The following KCNH7 variants were observed in gnomAD, a reference collection of about 807,000 sequenced individuals.
KCNH7 encodes the protein voltage-gated inwardly rectifying potassium channel KCNH7.
Under a neutral mutation model 120.8 loss-of-function variants are expected in KCNH7, and 49 were observed. The ratio of observed to expected loss-of-function variants is 0.41; its 90% CI spans 0.32 to 0.51. The LOEUF is 0.51. Ranked by LOEUF, KCNH7 falls within the 20% of genes least tolerant of loss-of-function variation. The pLI is 0.38. For missense variants in KCNH7, 1,097 were observed against 1,446.6 expected (o/e 0.76, Z 3.92); for synonymous variants, 547 against 516.1 (o/e 1.06, Z -0.81).
chr2:162,671,247 C>T (rs1685342498), intron 2 of KCNH7, among the ~76,000 whole-genome samples: 1 of 152,042 alleles, frequency 6.6e-6, no homozygotes, highest in Non-Finnish European at 1.5e-5. Context: ...CAAAAAGACA[C>T]CTAGACTAAT....
chr2:162,394,947 C>A (rs1010761968), intron 11 of KCNH7, among the ~76,000 whole-genome samples: 2 of 151,718 alleles, frequency 1.3e-5, no homozygotes, highest in Admixed American at 6.6e-5. Flanking sequence ...TCCTCCATAG[C>A]CTATTAAATA....
intron 6 of KCNH7, among the ~76,000 whole-genome samples, chr2:162,472,350 G>A (rs1311624919): frequency 2.0e-5 from 3 of 152,186 alleles, no homozygotes; most frequent in Middle Eastern, 3.4e-3. Flanking sequence ...CTGACAAAGG[G>A]CTAATACCCA....
chr2:162,411,391 A>T (rs889469075), intron 9 of KCNH7, among the ~76,000 whole-genome samples: 1 of 152,118 alleles, frequency 6.6e-6, no homozygotes, highest in African/African-American at 2.4e-5. Flanking sequence ...CTCACTTATA[A>T]GTGGCAGCTA....
At chr2:162,625,443 C>T (rs2105204889) in intron 2 of KCNH7, among the ~76,000 whole-genome samples, 1 of 152,226 alleles carries the variant, frequency 6.6e-6, no homozygotes, top group East Asian at 1.9e-4. Context: ...TATTTTCTTA[C>T]TTGAGGTAAG....
intron 2 of KCNH7, among the ~76,000 whole-genome samples, chr2:162,707,738 G>A (rs2105352865): frequency 6.6e-6 from 1 of 152,116 alleles, no homozygotes. Context: ...CAGTAGAAGT[G>A]AAAAAGAGAC....
At chr2:162,771,437 C>T (rs955920636) in intron 2 of KCNH7, among the ~76,000 whole-genome samples, 1 of 152,076 alleles carries the variant, frequency 6.6e-6, no homozygotes, top group Non-Finnish European at 1.5e-5. Flanking sequence ...ATCACTTTAG[C>T]CATGAAACTT....
chr2:162,565,972 C>T (rs1384091643), intron 2 of KCNH7, among the ~76,000 whole-genome samples: 1 of 151,944 alleles, frequency 6.6e-6, no homozygotes, highest in Non-Finnish European at 1.5e-5. Context: ...CTATAAGGTA[C>T]TTTGTATGCT....
chr2:162,435,369 T>A lies in KCNH7; in HGVS notation c.1783A>T (p.Ile595Phe). The change falls in exon 8 of 16, where the codon ATT (isoleucine) becomes TTT (phenylalanine). Residue 595 changes from isoleucine (I) to phenylalanine (F), a missense_variant. By Grantham distance (21) the Ile-to-Phe change is conservative (BLOSUM62 0). This residue lies in a region of KCNH7 where 36 missense variants were observed against 46.8 expected (regional missense o/e 0.77). Transcript: ENST00000332142. ...TCACTGTCATTGTAACGTTTCCCAA[T>A]TTGCTGTCCTAAGGAATCCAACCAT... ...IGWLDSLGQQ[I>F]GKRYNDSDSS... 1.9e-6 allele frequency: 3 copies of A among 1,613,886 alleles called. No individual in the cohort carries two copies. Among genetic ancestry groups the A allele is most frequent in the Non-Finnish European group, 2.5e-6 (3 of 1,179,848 alleles).
intron 8 of KCNH7, among the ~76,000 whole-genome samples, chr2:162,425,546 A>T (rs1160014294): frequency 6.6e-6 from 1 of 152,188 alleles, no homozygotes; most frequent in African/African-American, 2.4e-5. Flanking sequence ...GATTCATGTG[A>T]AAAATACGTT....
intron 12 of KCNH7, among the ~76,000 whole-genome samples, chr2:162,386,435 G>T (rs568623981): frequency 6.6e-6 from 1 of 151,768 alleles, no homozygotes; most frequent in Non-Finnish European, 1.5e-5. Flanking sequence ...TAGTTATAAA[G>T]ATTAGCCTAG....
At chr2:162,513,235 TC>T in intron 4 of KCNH7, among the ~76,000 whole-genome samples, 1 of 123,174 alleles carries the variant, frequency 8.1e-6, no homozygotes, top group Non-Finnish European at 1.7e-5. Flanking sequence ...CCTGCCTTCC[TC>T]CCTTTCTCCC....
At chr2:162,468,107 C>T (rs1235124835) in intron 6 of KCNH7, among the ~76,000 whole-genome samples, 2 of 152,144 alleles carry the variant, frequency 1.3e-5, no homozygotes, top group African/African-American at 4.8e-5. Flanking sequence ...ATGCCCACTT[C>T]TCTTTGTCCT....
chr2:162,379,407 AT>A (rs1686331943), intron 14 of KCNH7, among the ~76,000 whole-genome samples: 1 of 152,208 alleles, frequency 6.6e-6, no homozygotes, highest in African/African-American at 2.4e-5. Context: ...AGTCAATTAC[AT>A]TTTTTGATAA....
intron 12 of KCNH7, among the ~76,000 whole-genome samples, chr2:162,393,699 C>T (rs1686813582): frequency 6.6e-6 from 1 of 151,842 alleles, no homozygotes; most frequent in Non-Finnish European, 1.5e-5. Flanking sequence ...AAAGCTTCTT[C>T]AGGAAAACTT....
intron 2 of KCNH7, among the ~76,000 whole-genome samples, chr2:162,814,380 G>GT (rs1167769588): frequency 1.3e-5 from 2 of 152,106 alleles, no homozygotes; most frequent in African/African-American, 4.8e-5. Flanking sequence ...TGCCATTATT[G>GT]TTATCTTGTT....
In KCNH7 at chr2:162,537,060, T is replaced by A; in HGVS notation, c.328A>T (p.Thr110Ser). ...TGGTTTTTCACTGGAATTATGTGAGTGTTACAAATAAAAGTGGACCCTAAG... is the reference window on the plus strand; with the variant it reads ...TGGTTTTTCACTGGAATTATGTGAGAGTTACAAATAAAAGTGGACCCTAAG... ...HKNGSTFICNTHIIPVKNQEG... is the reference protein window; with the variant it reads ...HKNGSTFICNSHIIPVKNQEG... Residue 110 changes from threonine to serine, a missense_variant, in exon 3 of 16, where the codon ACT (threonine) becomes TCT (serine). Coordinates refer to ENST00000332142, the MANE Select transcript of KCNH7 (RefSeq NM_033272.4). The A allele has an allele frequency of 6.2e-7, 1 of 1,612,214 alleles. No individual in the cohort carries two copies. The highest frequency in any genetic ancestry group is 1.1e-5 in the South Asian group (1 of 90,988).
intron 14 of KCNH7, among the ~76,000 whole-genome samples, chr2:162,375,968 T>C (rs911750585): frequency 5.3e-5 from 8 of 151,348 alleles, no homozygotes; most frequent in African/African-American, 1.7e-4. Context: ...TCAGGAGGAA[T>C]TACAGAGAAT....
At chr2:162,560,776 CA>C (rs1254536804) in intron 2 of KCNH7, among the ~76,000 whole-genome samples, 2 of 152,070 alleles carry the variant, frequency 1.3e-5, no homozygotes, top group Non-Finnish European at 2.9e-5. Context: ...ACTGTATATT[CA>C]AAATAAATAT....
intron 2 of KCNH7, among the ~76,000 whole-genome samples, chr2:162,787,348 C>T (rs1212557451): frequency 6.6e-6 from 1 of 152,144 alleles, no homozygotes; most frequent in Non-Finnish European, 1.5e-5. Flanking sequence ...GCACCATGAA[C>T]CCAGGCTCTA....
Sources: gnomAD v4.1 joint callset for allele counts (sites outside exome capture counted in the v4.1 genomes callset) on GRCh38, gnomAD v4.1.1 for gene constraint, gnomAD v4.1.1 regional missense constraint, MANE v1.5 for transcripts, NCBI Gene and HGNC (gene_info 2026-07-23, HGNC 2026-07-21) for gene names.